The following DCC variants were observed in gnomAD, a reference collection of about 807,000 sequenced individuals.
DCC encodes DCC netrin 1 receptor.
Under a neutral mutation model 172.5 loss-of-function variants are expected in DCC, and 58 were observed. The ratio of observed to expected loss-of-function variants is 0.34; its 90% CI spans 0.27 to 0.42. The LOEUF (loss-of-function observed/expected upper bound fraction) is 0.42. DCC is among the 10% of genes least tolerant of loss of function. The pLI, the probability that DCC is intolerant of heterozygous loss-of-function variation, is 1.00. For missense variants in DCC, 1,740 were observed against 1,791.0 expected, an observed-to-expected ratio of 0.97 and a Z score of 0.51; for synonymous variants, 709 against 644.5, an observed-to-expected ratio of 1.10 and a Z score of -1.52.
intron 3 of DCC, among the ~76,000 whole-genome samples, chr18:52,911,549 A>G (rs964860476): frequency 1.3e-5 from 2 of 152,120 alleles, no homozygotes; most frequent in Non-Finnish European, 2.9e-5. Flanking sequence ...TTATTATAAC[A>G]GTTCAAGTAG....
intron 5 of DCC, among the ~76,000 whole-genome samples, chr18:53,017,148 T>C (rs1281629463): frequency 6.6e-6 from 1 of 150,700 alleles, no homozygotes; most frequent in Non-Finnish European, 1.5e-5. Context: ...CCATCTCGGC[T>C]CACTGCAAGC....
intron 5 of DCC, among the ~76,000 whole-genome samples, chr18:52,968,524 G>C (rs2040971430): frequency 6.6e-6 from 1 of 152,070 alleles, no homozygotes; most frequent in African/African-American, 2.4e-5. Context: ...GAGGCTCGGA[G>C]TCTCACTCTA....
At chr18:52,517,796 C>T (rs1598882044) in intron 1 of DCC, among the ~76,000 whole-genome samples, 1 of 152,094 alleles carries the variant, frequency 6.6e-6, no homozygotes, top group Non-Finnish European at 1.5e-5. Context: ...ACTTCTGATA[C>T]CATAAATTAA....
chr18:52,913,038 AC>A (rs2039993330), intron 3 of DCC, among the ~76,000 whole-genome samples: 1 of 152,078 alleles, frequency 6.6e-6, no homozygotes, highest in African/African-American at 2.4e-5. Flanking sequence ...AAGATAGGAT[AC>A]CTTTTATTGT....
At chr18:52,734,341 A>G (rs1258378117) in intron 1 of DCC, among the ~76,000 whole-genome samples, 1 of 152,166 alleles carries the variant, frequency 6.6e-6, no homozygotes, top group Non-Finnish European at 1.5e-5. Context: ...GAAATTAGTC[A>G]AAAGCAAAAT....
intron 2 of DCC, among the ~76,000 whole-genome samples, chr18:52,771,437 C>T (rs2037341982): frequency 6.6e-6 from 1 of 152,160 alleles, no homozygotes; most frequent in East Asian, 1.9e-4. Context: ...TAGCCTTCTT[C>T]TCCTTCCAGA....
At chr18:53,360,782 T>G (rs1009447599) in intron 15 of DCC, among the ~76,000 whole-genome samples, 1 of 152,188 alleles carries the variant, frequency 6.6e-6, no homozygotes, top group South Asian at 2.1e-4. Context: ...CATAGTGTTA[T>G]GACATAAGGG....
chr18:53,216,876 G>A (rs1232941686), intron 12 of DCC, among the ~76,000 whole-genome samples: 7 of 152,106 alleles, frequency 4.6e-5, no homozygotes, highest in Non-Finnish European at 1.0e-4. Flanking sequence ...ATTTTTATCT[G>A]CAACAACACT....
rs1468511603 is a variant in DCC at position 52,925,223 on chromosome 18, A to G, written c.849-11A>G. ...TGTTAATTTACTCTGCACCTTCCCT[A>G]TGTCTTGCAGGTCTAAAAAGTATTC... On this transcript the variant is annotated splice_polypyrimidine_tract_variant and intron_variant, in intron 4 of 28. Transcript: ENST00000442544. 3.1e-6 allele frequency: 5 copies of G among 1,611,104 alleles called. No individual in the cohort carries two copies. The African/African-American group carries it at 5.3e-5, about 17-fold the overall frequency.
At chr18:52,351,217 C>T (rs1984106045) in intron 1 of DCC, among the ~76,000 whole-genome samples, 1 of 152,018 alleles carries the variant, frequency 6.6e-6, no homozygotes, top group Non-Finnish European at 1.5e-5. Context: ...TCATGAATTC[C>T]AAGATCAGTG....
chr18:53,091,372 T>A (rs2043006518), intron 7 of DCC, among the ~76,000 whole-genome samples: 1 of 147,632 alleles, frequency 6.8e-6, no homozygotes, highest in African/African-American at 2.5e-5. Flanking sequence ...CTAATATATA[T>A]AAATATATAT....
At chr18:52,579,146 G>T (rs367950325) in intron 1 of DCC, among the ~76,000 whole-genome samples, 7 of 152,122 alleles carry the variant, frequency 4.6e-5, no homozygotes, top group African/African-American at 1.7e-4. Context: ...CTTAAAATAA[G>T]AATAAATTGA....
chr18:53,153,443 T>G (rs971000352), intron 7 of DCC, among the ~76,000 whole-genome samples: 1 of 152,158 alleles, frequency 6.6e-6, no homozygotes, highest in Non-Finnish European at 1.5e-5. Context: ...CTTCTGAACA[T>G]GTAGTGCTCA....
chr18:52,785,825 T>C (rs1333169309), intron 2 of DCC, among the ~76,000 whole-genome samples: 2 of 152,118 alleles, frequency 1.3e-5, no homozygotes, highest in African/African-American at 2.4e-5. Context: ...CTGCAGACCA[T>C]CTAAGGCATG....
intron 7 of DCC, among the ~76,000 whole-genome samples, chr18:53,079,953 T>G (rs746870478): frequency 6.6e-6 from 1 of 152,164 alleles, no homozygotes; most frequent in Admixed American, 6.6e-5. Flanking sequence ...ATTGGACTTT[T>G]TGTCTAGACT....
chr18:52,631,399 T>G (rs540948845), intron 1 of DCC, among the ~76,000 whole-genome samples: 35 of 152,280 alleles, frequency 2.3e-4, no homozygotes, highest in African/African-American at 7.9e-4. Context: ...AAATTGATAG[T>G]TTCTAGGAAA....
intron 7 of DCC, among the ~76,000 whole-genome samples, chr18:53,112,794 A>G (rs2043352080): frequency 6.6e-6 from 1 of 151,564 alleles, no homozygotes; most frequent in Non-Finnish European, 1.5e-5. Context: ...GTGAAACATA[A>G]TAAGGCCACA....
At chr18:53,456,853 G>A (rs1034602611) in intron 23 of DCC, among the ~76,000 whole-genome samples, 4 of 152,192 alleles carry the variant, frequency 2.6e-5, no homozygotes, top group African/African-American at 9.7e-5. Context: ...GAAGGTCAGG[G>A]TGACACCTGT....
intron 1 of DCC, among the ~76,000 whole-genome samples, chr18:52,469,107 G>C (rs1160474274): frequency 6.6e-6 from 1 of 151,916 alleles, no homozygotes; most frequent in Non-Finnish European, 1.5e-5. Flanking sequence ...ATCCAGGCTG[G>C]AGTGCAGTGG....
Sources: allele counts gnomAD v4.1 joint callset (sites outside exome capture counted in the v4.1 genomes callset), GRCh38; gene constraint gnomAD v4.1.1; transcripts MANE v1.5; gene names NCBI Gene and HGNC (gene_info 2026-07-23, HGNC 2026-07-21).